The following UST variants were observed in gnomAD, a reference collection of about 807,000 sequenced individuals.
The protein encoded by UST is chondroitin sulfate 2-O-sulfotransferase.
UST carries 21 observed loss-of-function variants against 45.6 expected under a neutral mutation model. The observed-to-expected ratio is 0.46, with a 90% confidence interval of 0.33 to 0.66. The LOEUF is 0.66. Among genes scored for constraint, UST ranks in the 30% least tolerant of loss-of-function variants. The pLI, the probability that UST is intolerant of heterozygous loss-of-function variation, is 0.02. For synonymous variants in UST, 215 were observed against 200.6 expected, an observed-to-expected ratio of 1.07 and a Z score of -0.61; for missense variants, 463 against 512.4, an observed-to-expected ratio of 0.90 and a Z score of 0.93.
At chr6:148,805,470 T>C (rs1320418289) in intron 1 of UST, among the ~76,000 whole-genome samples, 10 of 152,216 alleles carry the variant, frequency 6.6e-5, no homozygotes, top group Non-Finnish European at 4.4e-5. Context: ...CTAAAAGGTA[T>C]GTAGAAAAGG....
At chr6:148,785,309 T>G (rs1170022793) in intron 1 of UST, among the ~76,000 whole-genome samples, 2 of 152,116 alleles carry the variant, frequency 1.3e-5, no homozygotes, top group African/African-American at 4.8e-5. Context: ...GAGAAAAGCA[T>G]CTCAGCCCAA....
chr6:148,995,176 C>T (rs1174187474), intron 5 of UST, among the ~76,000 whole-genome samples: 2 of 152,160 alleles, frequency 1.3e-5, no homozygotes, highest in Admixed American at 6.5e-5. Flanking sequence ...AGGCACGCAC[C>T]ACCACACTTG....
chr6:148,748,329 G>C lies in UST; in HGVS notation c.247+652G>C, dbSNP rs1775917449. On this transcript the variant is annotated intron_variant, in intron 1 of 7. Transcript: ENST00000367463. This position sits in a 1 kb window ranked among gnomAD's most constrained non-coding sequence, Gnocchi z 5.3. The stretch of plus-strand genomic sequence containing the variant: ...GATGCCCGAGGGCGCTGGTCAGCCT[G>C]GCCAGCAGTGTCGCCCCCAGTAACC... 6.6e-6 allele frequency among the ~76,000 whole-genome samples: 1 copy of C among 152,066 alleles called. No homozygotes were observed. Among genetic ancestry groups the C allele is most frequent in the Admixed American group, 6.6e-5 (1 of 15,264 alleles).
In UST at chr6:149,021,455, G is replaced by C. The variant is rs1042389862; in HGVS notation, c.911G>C (p.Gly304Ala). The change falls in exon 7 of 8, where the codon GGC becomes GCC. Residue 304 changes from glycine to alanine, a missense_variant. This residue lies in a region of UST where 287 missense variants were observed against 374.2 expected (regional missense o/e 0.77). Transcript: ENST00000367463. ...AGATTTTTACCTCATTACTTCAAGGGCGTGCTCAGTATCTACAAAGACCCA... is the reference window on the plus strand; with the variant it reads ...AGATTTTTACCTCATTACTTCAAGGCCGTGCTCAGTATCTACAAAGACCCA... ...LERFLPHYFKGVLSIYKDPEH... is the reference protein window; with the variant it reads ...LERFLPHYFKAVLSIYKDPEH... The C allele has an allele frequency of 1.9e-6, 3 of 1,614,030 alleles. No individual in the cohort carries two copies. The highest frequency in any genetic ancestry group is 1.3e-5 in the African/African-American group (1 of 74,916).
intron 2 of UST, among the ~76,000 whole-genome samples, chr6:148,922,272 T>G (rs1393882848): frequency 1.3e-5 from 2 of 149,096 alleles, no homozygotes; most frequent in African/African-American, 4.9e-5. Flanking sequence ...CTCCAACCCC[T>G]GACAACCACT....
intron 5 of UST, among the ~76,000 whole-genome samples, chr6:149,015,660 A>G (rs547656056): frequency 6.6e-6 from 1 of 152,352 alleles, no homozygotes; most frequent in African/African-American, 2.4e-5. Context: ...CCCTAGAAGC[A>G]CTACATGGAA....
intron 1 of UST, among the ~76,000 whole-genome samples, chr6:148,804,419 C>T (rs1777110626): frequency 6.6e-6 from 1 of 152,124 alleles, no homozygotes; most frequent in African/African-American, 2.4e-5. Flanking sequence ...CCTCTTATTC[C>T]ACCTGCTGTA....
At chr6:149,067,154 G>A (rs1257384500) in intron 7 of UST, among the ~76,000 whole-genome samples, 1 of 152,214 alleles carries the variant, frequency 6.6e-6, no homozygotes, top group Non-Finnish European at 1.5e-5. Context: ...TGGGACCCAA[G>A]AACAGGCAAT....
chr6:148,934,629 C>T lies in UST; in HGVS notation c.292-6650C>T, dbSNP rs1779984351. On this transcript the variant is annotated intron_variant, in intron 2 of 7. Coordinates refer to ENST00000367463, the MANE Select transcript of UST (RefSeq NM_005715.3). The surrounding 1 kb of genome is among the most constrained non-coding windows in gnomAD (Gnocchi z 4.1). ...TCGCCCCAACTCCTCTCCAGGATCACGCAGGCAACCTTCTCCCCAGCCTTA... is the reference window on the plus strand; with the variant it reads ...TCGCCCCAACTCCTCTCCAGGATCATGCAGGCAACCTTCTCCCCAGCCTTA... Among the ~76,000 whole-genome samples, 1 of 152,144 alleles carries T rather than the reference C, an allele frequency of 6.6e-6. No individual in the cohort carries two copies. Among genetic ancestry groups the T allele is most frequent in the Non-Finnish European group, 1.5e-5 (1 of 68,042 alleles).
intron 1 of UST, among the ~76,000 whole-genome samples, chr6:148,759,039 C>T (rs60255537): frequency 0.23 from 35,005 of 151,980 alleles, 4,239 homozygotes; most frequent in East Asian, 0.32. Flanking sequence ...AGTCAGTTGT[C>T]GGTGTTAAGT....
At chr6:148,853,014 T>C (rs1332825485) in intron 1 of UST, among the ~76,000 whole-genome samples, 1 of 152,178 alleles carries the variant, frequency 6.6e-6, no homozygotes, top group Non-Finnish European at 1.5e-5. Context: ...GTTTGTTACA[T>C]AGGTAAACGT....
chr6:148,900,176 GTGT>G (rs1779221752), intron 2 of UST, among the ~76,000 whole-genome samples: 1 of 151,964 alleles, frequency 6.6e-6, no homozygotes, highest in Admixed American at 6.6e-5. Context: ...CACACATTAG[GTGT>G]TGTGTCAGTG....
chr6:148,956,966 G>A (rs1382579588), intron 4 of UST, among the ~76,000 whole-genome samples: 2 of 152,206 alleles, frequency 1.3e-5, no homozygotes, highest in African/African-American at 4.8e-5. Context: ...TTTCTTCGGG[G>A]AGGTGAGGGA....
intron 1 of UST, among the ~76,000 whole-genome samples, chr6:148,882,560 T>G (rs1582875799): frequency 1.4e-5 from 2 of 141,982 alleles, no homozygotes; most frequent in Admixed American, 7.1e-5. Flanking sequence ...TCTTCTACAG[T>G]GAAGGAATGG....
intron 2 of UST, among the ~76,000 whole-genome samples, chr6:148,921,801 G>A (rs892191768): frequency 6.6e-6 from 1 of 152,106 alleles, no homozygotes; most frequent in African/African-American, 2.4e-5. Flanking sequence ...CCATGGTCTG[G>A]TGCCTCTGGA....
At chr6:148,785,855 C>T (rs1284301113) in intron 1 of UST, among the ~76,000 whole-genome samples, 1 of 152,178 alleles carries the variant, frequency 6.6e-6, no homozygotes, top group Non-Finnish European at 1.5e-5. Flanking sequence ...TATACATTTA[C>T]TCATTATTGA....
At chr6:148,963,457 C>A (rs1780711956) in intron 4 of UST, among the ~76,000 whole-genome samples, 1 of 151,974 alleles carries the variant, frequency 6.6e-6, no homozygotes, top group African/African-American at 2.4e-5. Flanking sequence ...AAGAGAAATC[C>A]AGCCAATCTC....
intron 5 of UST, among the ~76,000 whole-genome samples, chr6:148,976,587 G>T (rs1781021773): frequency 6.6e-6 from 1 of 152,146 alleles, no homozygotes; most frequent in Non-Finnish European, 1.5e-5. Context: ...TCTTTGCCAG[G>T]CTGAGAGATG....
At chr6:148,900,821 C>G (rs1437620856) in intron 2 of UST, among the ~76,000 whole-genome samples, 2 of 152,314 alleles carry the variant, frequency 1.3e-5, no homozygotes, top group East Asian at 3.9e-4. Flanking sequence ...ATTGAAGAGT[C>G]AGCAGAGATG....
Sources: allele counts gnomAD v4.1 joint callset (sites outside exome capture counted in the v4.1 genomes callset), GRCh38; gene constraint gnomAD v4.1.1; regional missense constraint gnomAD v4.1.1; non-coding constraint Gnocchi (gnomAD v3.1); transcripts MANE v1.5; gene names NCBI Gene and HGNC (gene_info 2026-07-23, HGNC 2026-07-21).